The following SAC3D1 variants were observed in gnomAD, a reference collection of about 807,000 sequenced individuals.
SAC3D1 encodes SAC3 domain containing 1, also known as SAC3 domain-containing protein 1.
A neutral mutation model predicts 12.7 loss-of-function variants in SAC3D1; 10 were observed. That is an observed-to-expected ratio of 0.79 (90% CI 0.49 to 1.34). SAC3D1 has a LOEUF of 1.34. SAC3D1 is among the 40% of genes most tolerant of loss of function. The probability of loss-of-function intolerance (pLI) is 0.00; values close to 1 mark genes in which losing one functional copy is unlikely to be tolerated. For missense variants in SAC3D1, 482 were observed against 531.1 expected (o/e 0.91, Z 0.91); for synonymous variants, 241 against 250.8 (o/e 0.96, Z 0.37).
Position 65,041,339 on chromosome 11 carries a change from C to T in SAC3D1, c.47C>T (p.Pro16Leu), listed in dbSNP as rs781499076. ...LPVGTCPDMC[P>L]AAERAQRERE... ...GTGGGCACCTGCCCGGACATGTGCC[C>T]GGCCGCCGAGCGCGCCCAGCGCGAA... Residue 16 changes from proline (P) to leucine (L), a missense_variant, in exon 1 of 2, where the codon CCG (proline) becomes CTG (leucine). By Grantham distance (98) the Pro-to-Leu change is moderately conservative. This residue lies in a region of SAC3D1 where 197 missense variants were observed against 183.2 expected (regional missense o/e 1.08). Transcript: ENST00000652489. 20 of 1,509,968 alleles carry T rather than the reference C, an allele frequency of 1.3e-5. No individual in the cohort carries two copies. The highest frequency in any genetic ancestry group is 4.4e-4 in the Middle Eastern group (2 of 4,504). The allele number at this position is 1,509,968 out of a possible 1,614,324, so 93.5% of individuals were successfully genotyped here. A position where few individuals can be genotyped will look rare whatever the true frequency, so the allele number is the denominator to read the frequency against.
In SAC3D1 at chr11:65,044,416, G is replaced by A. The variant is rs1946673029; in HGVS notation, c.766G>A (p.Glu256Lys). The change falls in exon 2 of 2, where the codon GAA (glutamate) becomes AAA (lysine). Residue 256 changes from glutamate to lysine, a missense_variant. Glu to Lys is a moderately conservative substitution (Grantham distance 56). Coordinates refer to ENST00000652489, the MANE Select transcript of SAC3D1 (RefSeq NM_013299.4). This position sits in a 1 kb window ranked among gnomAD's most constrained non-coding sequence, Gnocchi z 4.0. ...VQCHVGHARR[E>K]ALARFARAFS... is the part of the protein sequence containing the mutation. ...GTGCCATGTGGGCCATGCCCGCCGG[G>A]AAGCCCTGGCCCGCTTCGCTCGTGC... 6.2e-7 allele frequency: 1 copy of A among 1,613,768 alleles called. No homozygotes were observed. The highest frequency in any genetic ancestry group is 1.3e-5 in the African/African-American group (1 of 75,072).
intron 1 of SAC3D1, 61 bp downstream of exon 1, chr11:65,041,927 AG>A: frequency 7.6e-7 from 1 of 1,312,096 alleles, no homozygotes; most frequent in South Asian, 2.0e-5. Flanking sequence ...ATGACAGTGG[AG>A]GTAGGGAAAG....
Position 65,044,692 on chromosome 11 carries a change from G to T in SAC3D1, c.1042G>T (p.Asp348Tyr). 1 of 1,613,558 alleles carries T rather than the reference G, an allele frequency of 6.2e-7. No homozygotes were observed. ...LEEVVMAEEE[D>Y]EGTDRPGSPA ...GGAGGTGGTCATGGCAGAGGAGGAA[G>T]ATGAGGGCACGGACAGACCTGGGTC... Residue 348 changes from aspartate to tyrosine, a missense_variant, in exon 2 of 2, where the codon GAT (aspartate) becomes TAT (tyrosine). Physicochemically the swap from Asp to Tyr is radical, Grantham distance 160 (BLOSUM62 -3). Around this residue, in one of 3 missense-constraint regions of SAC3D1, gnomAD observed 225 missense variants for 241.1 expected, o/e 0.93. Coordinates refer to ENST00000652489, the MANE Select transcript of SAC3D1 (RefSeq NM_013299.4). The surrounding 1 kb of genome is among the most constrained non-coding windows in gnomAD (Gnocchi z 4.0).
intron 1 of SAC3D1, among the ~76,000 whole-genome samples, chr11:65,042,389 C>A (rs1203876909): frequency 6.6e-6 from 1 of 152,072 alleles, no homozygotes; most frequent in African/African-American, 2.4e-5. Flanking sequence ...GCCACCGCGC[C>A]CGGCTGATTT....
Position 65,041,467 on chromosome 11 carries a change from G to A in SAC3D1, c.175G>A (p.Ala59Thr). The change falls in exon 1 of 2, where the codon GCC becomes ACC. Residue 59 changes from alanine (A) to threonine (T), a missense_variant. Ala to Thr is a moderately conservative substitution (Grantham distance 58). Around this residue, in one of 3 missense-constraint regions of SAC3D1, gnomAD observed 197 missense variants for 183.2 expected, o/e 1.08. Transcript: ENST00000652489. ...RAVKEYSRPA[A>T]GKPRPPPSQL... is the part of the protein sequence containing the mutation. ...GGTGAAGGAGTACAGCCGACCCGCC[G>A]CCGGCAAGCCCCGGCCCCCGCCCAG... The A allele has an allele frequency of 2.0e-6, 3 of 1,480,968 alleles. No individual in the cohort carries two copies. Among genetic ancestry groups the A allele is most frequent in the East Asian group, 2.8e-5 (1 of 35,490 alleles). The allele number at this position is 1,480,968 out of a possible 1,614,324, so 91.7% of individuals were successfully genotyped here.
rs78191496 is a variant in SAC3D1 at position 65,044,522 on chromosome 11, G to T, written c.872G>T (p.Arg291Leu). The change falls in exon 2 of 2, where the codon CGG becomes CTG. Residue 291 changes from arginine to leucine, a missense_variant. Arg to Leu is a moderately radical substitution (Grantham distance 102). Around this residue, in one of 3 missense-constraint regions of SAC3D1, gnomAD observed 225 missense variants for 241.1 expected, o/e 0.93. Coordinates refer to ENST00000652489, the MANE Select transcript of SAC3D1 (RefSeq NM_013299.4). The surrounding 1 kb of genome is among the most constrained non-coding windows in gnomAD (Gnocchi z 4.0). ...GCCCTGGATGGACTCAGGGAAGCAC[G>T]GGACCTGTGCCAGGCCCACGGGCTG... The part of the protein sequence containing the change: ...LLALDGLREA[R>L]DLCQAHGLPL... 5 of 1,614,098 alleles carry T rather than the reference G, an allele frequency of 3.1e-6. No individual in the cohort carries two copies. Among genetic ancestry groups the T allele is most frequent in the Non-Finnish European group, 4.2e-6 (5 of 1,180,046 alleles).
upstream of SAC3D1, chr11:65,041,185 C>T (rs1401393953): frequency 6.3e-6 from 7 of 1,103,274 alleles, no homozygotes; most frequent in African/African-American, 3.6e-5. Flanking sequence ...ACAGGTTCAG[C>T]CCCGCCCCGA....
chr11:65,041,772 G>A lies in SAC3D1; in HGVS notation c.480G>A (p.Glu160=). ...TGCTGCTGCAGGCCCAGGTGCAGGA[G>A]GGCTTCGGCTCGCTGCGGCGCTGCT... ...DPVLLQAQVQ[E]GFGSLRRCYA... is the part of the protein sequence containing the mutation. The change falls in exon 1 of 2, where the codon GAG becomes GAA. Residue 160 remains glutamate (E), a synonymous_variant. Transcript: ENST00000652489. 7.1e-7 allele frequency: 1 copy of A among 1,407,634 alleles called. No homozygotes were observed. Among genetic ancestry groups the A allele is most frequent in the Non-Finnish European group, 9.2e-7 (1 of 1,086,996 alleles). The allele number at this position is 1,407,634 out of a possible 1,614,324, so 87.2% of individuals were successfully genotyped here.
At chr11:65,040,952 G>T (rs918934623), upstream of SAC3D1, 4 of 369,116 alleles carry the variant, frequency 1.1e-5, no homozygotes, top group African/African-American at 2.2e-5. Flanking sequence ...TCATGGGAGC[G>T]GCCCGGGCTA....
chr11:65,042,032 G>T (rs1946615801), intron 1 of SAC3D1, 166 bp downstream of exon 1: 1 of 889,288 alleles, frequency 1.1e-6, no homozygotes, highest in Non-Finnish European at 1.5e-6. Flanking sequence ...CCATCTCTGG[G>T]TCTTAGTTGT....
intron 1 of SAC3D1, 182 bp downstream of exon 1, chr11:65,042,048 G>A (rs1946616243): frequency 1.3e-6 from 1 of 783,978 alleles, no homozygotes; most frequent in East Asian, 3.5e-5. Context: ...GTTGTCTCAG[G>A]AATAAAAGTG....
chr11:65,042,415 C>T (rs913732944), intron 1 of SAC3D1, among the ~76,000 whole-genome samples: 2 of 150,798 alleles, frequency 1.3e-5, no homozygotes, highest in African/African-American at 2.4e-5. Context: ...CTCTTTTAAC[C>T]TCCCCGCCCA....
Position 65,041,488 on chromosome 11 carries a change from C to T in SAC3D1, c.196C>T (p.Pro66Ser). The stretch of plus-strand genomic sequence containing the variant: ...CGCCGCCGGCAAGCCCCGGCCCCCG[C>T]CCAGCCAGTTGCGTCCGCCCTCCGT... ...RPAAGKPRPP[P>S]SQLRPPSVLL... The change falls in exon 1 of 2, where the codon CCC (proline) becomes TCC (serine). Residue 66 changes from proline to serine, a missense_variant. Pro to Ser is a moderately conservative substitution (Grantham distance 74). This residue lies in a region of SAC3D1 where 197 missense variants were observed against 183.2 expected (regional missense o/e 1.08). Transcript: ENST00000652489. The T allele has an allele frequency of 6.8e-7, 1 of 1,472,234 alleles. No individual in the cohort carries two copies. Among genetic ancestry groups the T allele is most frequent in the Non-Finnish European group, 8.9e-7 (1 of 1,118,324 alleles). The allele number at this position is 1,472,234 out of a possible 1,614,324, so 91.2% of individuals were successfully genotyped here. A position where few individuals can be genotyped will look rare whatever the true frequency, so the allele number is the denominator to read the frequency against.
At chr11:65,042,671 A>G (rs1216788038) in intron 1 of SAC3D1, among the ~76,000 whole-genome samples, 1 of 148,882 alleles carries the variant, frequency 6.7e-6, no homozygotes, top group Non-Finnish European at 1.5e-5. Flanking sequence ...CCTCCCAAAG[A>G]GCTGGGACTA....
chr11:65,042,931 G>A, intron 1 of SAC3D1: 1 of 333,096 alleles, frequency 3.0e-6, no homozygotes, highest in East Asian at 1.2e-4. Flanking sequence ...AACCTCGTGG[G>A]CTCAAGGGAT....
At chr11:65,043,091 A>C (rs1173151403) in intron 1 of SAC3D1, 2 of 446,624 alleles carry the variant, frequency 4.5e-6, no homozygotes, top group Admixed American at 4.8e-5. Flanking sequence ...CCACCCTCCC[A>C]AGTAGCCGGG....
In SAC3D1 at chr11:65,041,227, C is replaced by G; in HGVS notation, c.-66C>G. The G allele has an allele frequency of 2.1e-6, 3 of 1,425,412 alleles. No individual in the cohort carries two copies. The highest frequency in any genetic ancestry group is 2.8e-6 in the Non-Finnish European group (3 of 1,084,566). The allele number at this position is 1,425,412 out of a possible 1,614,324, so 88.3% of individuals were successfully genotyped here. A position where few individuals can be genotyped will look rare whatever the true frequency, so the allele number is the denominator to read the frequency against. ...GCTCCCCACCCCCCGGCCGGCCTCG[C>G]GTGCCTTCCCGCAGCACTGCCGTCC... On this transcript the variant is annotated 5_prime_UTR_variant, in exon 1 of 2. Transcript: ENST00000652489.
chr11:65,043,191 A>C (rs1432964084), intron 1 of SAC3D1: 5 of 318,656 alleles, frequency 1.6e-5, no homozygotes, highest in African/African-American at 1.1e-4. Context: ...TAGTGGGGGA[A>C]GAAATCGAAG....
intron 1 of SAC3D1, 45 bp downstream of exon 1, chr11:65,041,911 CCCA>C: frequency 7.4e-7 from 1 of 1,354,182 alleles, no homozygotes; most frequent in Non-Finnish European, 9.5e-7. Context: ...GGGACAGGAG[CCCA>C]CCATGACAGT....
Sources: gnomAD v4.1 joint callset for allele counts (sites outside exome capture counted in the v4.1 genomes callset) on GRCh38, gnomAD v4.1.1 for gene constraint, gnomAD v4.1.1 regional missense constraint, Gnocchi (gnomAD v3.1) non-coding constraint, MANE v1.5 for transcripts, NCBI Gene and HGNC (gene_info 2026-07-23, HGNC 2026-07-21) for gene names.